LARGE1: variants seen among roughly 807,000 people sequenced by gnomAD.
LARGE1 encodes xylosyl- and glucuronyltransferase LARGE1.
In LARGE1, 43 loss-of-function variants were observed where a neutral mutation model predicts 87.6. The observed-to-expected ratio is 0.49, with a 90% confidence interval of 0.38 to 0.63. The LOEUF is 0.63. LARGE1 is among the 30% of genes least tolerant of loss of function. LARGE1 has a pLI of 0.00. For synonymous variants in LARGE1, 434 were observed against 394.6 expected (o/e 1.10, Z -1.18); for missense variants, 802 against 1,000.2 (o/e 0.80, Z 2.67).
chr22:33,664,812 C>T (rs12159488), intron 2 of LARGE1, among the ~76,000 whole-genome samples: 16,854 of 152,116 alleles, frequency 0.11, 3,103 homozygotes, highest in African/African-American at 0.38. Context: ...TGAGCCAAGA[C>T]TGCGCCACTG....
intron 1 of LARGE1, among the ~76,000 whole-genome samples, chr22:33,788,562 T>C (rs546755354): frequency 1.3e-5 from 2 of 152,302 alleles, no homozygotes. Context: ...TAGAAACTTG[T>C]TCAATGGCTT....
intron 7 of LARGE1, among the ~76,000 whole-genome samples, chr22:33,403,305 T>C (rs2065986989): frequency 6.6e-6 from 1 of 152,182 alleles, no homozygotes; most frequent in South Asian, 2.1e-4. Flanking sequence ...CCATAACTTA[T>C]TTCCTCTGGA....
chr22:33,224,841 C>T, intron 11 of LARGE1, among the ~76,000 whole-genome samples: 1 of 152,186 alleles, frequency 6.6e-6, no homozygotes, highest in East Asian at 1.9e-4. Flanking sequence ...CAGAAGAAGA[C>T]AGAGCCAGGC....
Position 33,670,563 on chromosome 22 carries a change from G to A in LARGE1, c.107-19895C>T, listed in dbSNP as rs536922176. Among the ~76,000 whole-genome samples, 19 of 152,266 alleles carry A rather than the reference G, an allele frequency of 1.2e-4. 1 individual carries two copies. The highest frequency in any genetic ancestry group is 4.6e-4 in the African/African-American group (19 of 41,578). On this transcript the variant is annotated intron_variant, in intron 2 of 14. Transcript: ENST00000397394. ...AGGATACTTTAAAACTTCTAGAGAA[G>A]TGCAGCAATTCTCAGCACATGCTGG... is the stretch of plus-strand genomic sequence containing the variant.
chr22:33,088,765 C>A, the LARGE1 span, among the ~76,000 whole-genome samples: 2 of 152,144 alleles, frequency 1.3e-5, no homozygotes, highest in Non-Finnish European at 2.9e-5. Context: ...GAATCCCCGA[C>A]TTTTAGAGAA....
At chr22:33,490,765 T>C (rs2148284859) in intron 6 of LARGE1, among the ~76,000 whole-genome samples, 1 of 152,178 alleles carries the variant, frequency 6.6e-6, no homozygotes, top group East Asian at 1.9e-4. Flanking sequence ...CACATTCAAA[T>C]ATGGTGGAGA....
At chr22:33,692,854 A>G (rs768944202) in intron 2 of LARGE1, among the ~76,000 whole-genome samples, 18 of 152,186 alleles carry the variant, frequency 1.2e-4, no homozygotes, top group Admixed American at 3.9e-4. Flanking sequence ...TAAAGAAAAA[A>G]AGGCAGAGAA....
At chr22:33,270,492 G>A (rs972682455), downstream of LARGE1, among the ~76,000 whole-genome samples, 11 of 152,100 alleles carry the variant, frequency 7.2e-5, 1 homozygote, top group African/African-American at 2.7e-4. Flanking sequence ...CAGCCTGTGT[G>A]GTCTTGGGCA....
chr22:33,516,275 C>T (rs919980714), intron 6 of LARGE1, among the ~76,000 whole-genome samples: 2 of 151,972 alleles, frequency 1.3e-5, no homozygotes, highest in Non-Finnish European at 1.5e-5. Context: ...CCTGGTGTGA[C>T]GAAGGCAGGC....
intron 5 of LARGE1, among the ~76,000 whole-genome samples, chr22:33,588,156 G>C (rs765418217): frequency 6.6e-6 from 1 of 152,218 alleles, no homozygotes; most frequent in African/African-American, 2.4e-5. Flanking sequence ...CACATGCTAA[G>C]AATTGGGAAG....
chr22:33,896,152 A>G (rs1008201775), intron 1 of LARGE1, among the ~76,000 whole-genome samples: 20 of 152,174 alleles, frequency 1.3e-4, no homozygotes, highest in African/African-American at 4.8e-4. Flanking sequence ...AAATTTGACT[A>G]CTGTAGGGAC....
chr22:33,406,387 TG>T (rs1177879836), intron 7 of LARGE1, among the ~76,000 whole-genome samples: 1 of 152,132 alleles, frequency 6.6e-6, no homozygotes, highest in African/African-American at 2.4e-5. Context: ...CTGCCCGATT[TG>T]CATCTTGGGA....
intron 6 of LARGE1, among the ~76,000 whole-genome samples, chr22:33,472,564 C>A (rs1403651474): frequency 1.3e-5 from 2 of 152,020 alleles, no homozygotes; most frequent in Non-Finnish European, 2.9e-5. Context: ...AAGGGATGAT[C>A]AACATTCTGC....
chr22:33,765,179 G>T (rs2084861711), intron 1 of LARGE1, among the ~76,000 whole-genome samples: 1 of 151,872 alleles, frequency 6.6e-6, no homozygotes, highest in Non-Finnish European at 1.5e-5. Flanking sequence ...GGCCTAGAGA[G>T]ATTAATTAAC....
At chr22:33,733,834 T>G (rs1444687557) in intron 2 of LARGE1, 1 of 152,208 alleles carries the variant, frequency 6.6e-6, no homozygotes, top group African/African-American at 2.4e-5. Flanking sequence ...TTGAATGGCT[T>G]GCTGGGGAGA....
At chr22:33,701,917 G>A (rs1011202761) in intron 2 of LARGE1, among the ~76,000 whole-genome samples, 2 of 152,228 alleles carry the variant, frequency 1.3e-5, no homozygotes, top group African/African-American at 4.8e-5. Context: ...GGATATTTGA[G>A]TGTCGGCCTC....
intron 12 of LARGE1, among the ~76,000 whole-genome samples, chr22:33,303,935 T>A (rs1934518688): frequency 6.6e-6 from 1 of 152,206 alleles, no homozygotes; most frequent in South Asian, 2.1e-4. Flanking sequence ...GAGGAGGGTA[T>A]GTTTTCATAG....
chr22:33,115,490 G>A, the LARGE1 span, among the ~76,000 whole-genome samples: 1 of 149,548 alleles, frequency 6.7e-6, no homozygotes, highest in Non-Finnish European at 1.5e-5. Flanking sequence ...CCATGAAGGA[G>A]AGGCCCTAAT....
intron 2 of LARGE1, among the ~76,000 whole-genome samples, chr22:33,757,682 C>T (rs1442737126): frequency 6.6e-6 from 1 of 152,186 alleles, no homozygotes; most frequent in Non-Finnish European, 1.5e-5. Flanking sequence ...TAAATAAACC[C>T]ACATAAAGTA....
Sources: allele counts gnomAD v4.1 joint callset (sites outside exome capture counted in the v4.1 genomes callset), GRCh38; gene constraint gnomAD v4.1.1; transcripts MANE v1.5; gene names NCBI Gene and HGNC (gene_info 2026-07-23, HGNC 2026-07-21).